OPHN1: variants seen among roughly 807,000 people sequenced by gnomAD.
OPHN1 encodes oligophrenin-1.
OPHN1 carries 11 observed loss-of-function variants against 60.7 expected under a neutral mutation model. The observed-to-expected ratio is 0.18, with a 90% CI of 0.11 to 0.30. The LOEUF (loss-of-function observed/expected upper bound fraction) is 0.30, where lower values mean the gene tolerates loss of function less well. Among genes scored for constraint, OPHN1 ranks in the 10% least tolerant of loss-of-function variants. The pLI, the probability that OPHN1 is intolerant of heterozygous loss-of-function variation, is 1.00. For missense variants in OPHN1, 449 were observed against 611.0 expected, an observed-to-expected ratio of 0.73 and a Z score of 2.80; for synonymous variants, 226 against 222.6, an observed-to-expected ratio of 1.02 and a Z score of -0.14.
At chrX:68,380,400 T>G (rs1167555745) in intron 2 of OPHN1, among the ~76,000 whole-genome samples, 1 of 111,780 alleles carries the variant, frequency 8.9e-6, no homozygotes, top group African/African-American at 3.2e-5. Context: ...TCATTGATTT[T>G]TTGAAGGGTT....
chrX:68,386,709 A>T (rs2078625938), intron 2 of OPHN1, among the ~76,000 whole-genome samples: 1 of 112,240 alleles, frequency 8.9e-6, no homozygotes, highest in African/African-American at 3.2e-5. Flanking sequence ...TTCATTTGCT[A>T]CCAGCAAGTT....
chrX:68,186,578 C>G (rs750575254), intron 15 of OPHN1, among the ~76,000 whole-genome samples: 3 of 111,250 alleles, frequency 2.7e-5, no homozygotes, highest in Non-Finnish European at 5.6e-5. Flanking sequence ...AAATGATACT[C>G]TGGCTGGCAA....
At chrX:68,231,581 G>A (rs1176584149) in intron 6 of OPHN1, among the ~76,000 whole-genome samples, 7 of 111,565 alleles carry the variant, frequency 6.3e-5, no homozygotes, top group Non-Finnish European at 1.3e-4. Context: ...AACCAACCGT[G>A]GTACAACCAG....
At chrX:68,107,657 G>A (rs937586269) in intron 18 of OPHN1, among the ~76,000 whole-genome samples, 12 of 110,524 alleles carry the variant, frequency 1.1e-4, no homozygotes, top group Non-Finnish European at 1.9e-4. Flanking sequence ...TTGTGTTTTT[G>A]TGGAGACGGA....
At chrX:68,298,131 T>C (rs181125918) in intron 3 of OPHN1, among the ~76,000 whole-genome samples, 18 of 111,551 alleles carry the variant, frequency 1.6e-4, no homozygotes, top group African/African-American at 4.9e-4. Context: ...TTCAGTGTTC[T>C]CATCTAGCAA....
At chrX:68,212,069 A>G (rs923933668) in intron 8 of OPHN1, 39 bp downstream of exon 8, 1 of 989,535 alleles carries the variant, frequency 1.0e-6, no homozygotes, top group Non-Finnish European at 1.4e-6. Context: ...TTCAATCGGA[A>G]TGGAAAGACC....
chrX:68,344,568 T>C (rs1035804014), intron 2 of OPHN1, among the ~76,000 whole-genome samples: 2 of 107,765 alleles, frequency 1.9e-5, no homozygotes, highest in Non-Finnish European at 3.8e-5. Context: ...GCCGAGATTG[T>C]GCCACTGCAC....
chrX:68,078,415 ACTT>A (rs1279128890), intron 19 of OPHN1, among the ~76,000 whole-genome samples: 1 of 111,830 alleles, frequency 8.9e-6, no homozygotes, highest in Non-Finnish European at 1.9e-5. Flanking sequence ...CCTGAACTAA[ACTT>A]CTAAAAAAAC....
chrX:68,385,313 C>T (rs992231371), intron 2 of OPHN1, among the ~76,000 whole-genome samples: 2 of 111,415 alleles, frequency 1.8e-5, no homozygotes, highest in African/African-American at 6.5e-5. Flanking sequence ...TTGCTTGGCA[C>T]AATGGCTGCG....
At chrX:68,084,189 C>T (rs1022504073) in intron 19 of OPHN1, among the ~76,000 whole-genome samples, 1 of 108,759 alleles carries the variant, frequency 9.2e-6, no homozygotes, top group Non-Finnish European at 1.9e-5. Context: ...GCAAGGTATA[C>T]CTGATGTAAA....
chrX:68,266,650 A>G (rs1396407419), intron 5 of OPHN1, among the ~76,000 whole-genome samples: 1 of 111,597 alleles, frequency 9.0e-6, no homozygotes, highest in African/African-American at 3.3e-5. Flanking sequence ...CTAACATCGT[A>G]ATGACAGGAT....
intron 15 of OPHN1, among the ~76,000 whole-genome samples, chrX:68,137,008 G>T (rs1351518103): frequency 5.4e-5 from 6 of 112,023 alleles, no homozygotes. Flanking sequence ...TTCTGCATTT[G>T]CCAGGACCAA....
chrX:68,208,780 A>G (rs1204296974), intron 9 of OPHN1, among the ~76,000 whole-genome samples: 1 of 112,179 alleles, frequency 8.9e-6, no homozygotes, highest in Non-Finnish European at 1.9e-5. Flanking sequence ...GCAATACATT[A>G]GAGACATTTT....
intron 2 of OPHN1, among the ~76,000 whole-genome samples, chrX:68,320,120 T>A (rs1210835631): frequency 1.8e-5 from 2 of 111,109 alleles, no homozygotes; most frequent in Non-Finnish European, 3.8e-5. Flanking sequence ...GAGGCTGAGA[T>A]GGGTGGATCA....
intron 5 of OPHN1, among the ~76,000 whole-genome samples, chrX:68,252,894 TG>T (rs1432112794): frequency 9.1e-6 from 1 of 110,346 alleles, no homozygotes; most frequent in Non-Finnish European, 1.9e-5. Flanking sequence ...TATCCTACTG[TG>T]AGCAGAAGCC....
intron 24 of OPHN1, 139 bp downstream of exon 24, chrX:68,048,277 G>T: frequency 1.9e-6 from 1 of 518,617 alleles, no homozygotes; most frequent in Non-Finnish European, 3.4e-6. Flanking sequence ...GTCAGGCAGT[G>T]ATAGAGTAAT....
intron 2 of OPHN1, among the ~76,000 whole-genome samples, chrX:68,428,294 T>G (rs2078869436): frequency 8.9e-6 from 1 of 111,982 alleles, no homozygotes; most frequent in South Asian, 3.7e-4. Flanking sequence ...CAAGATGTAA[T>G]GCCTGACACA....
intron 2 of OPHN1, among the ~76,000 whole-genome samples, chrX:68,338,754 T>G (rs1315637595): frequency 9.0e-6 from 1 of 111,459 alleles, no homozygotes; most frequent in Admixed American, 9.6e-5. Flanking sequence ...AAAGTGGAAT[T>G]TATGCCAATA....
intron 2 of OPHN1, among the ~76,000 whole-genome samples, chrX:68,354,480 G>A (rs1295562781): frequency 6.2e-5 from 6 of 97,288 alleles, no homozygotes; most frequent in African/African-American, 7.8e-5. Context: ...AAAAAAAGTC[G>A]GGCGCGGTGG....
Sources: allele counts gnomAD v4.1 joint callset (sites outside exome capture counted in the v4.1 genomes callset), GRCh38; gene constraint gnomAD v4.1.1; transcripts MANE v1.5; gene names NCBI Gene and HGNC (gene_info 2026-07-23, HGNC 2026-07-21).